SAMD4A: variants seen among roughly 807,000 people sequenced by gnomAD.
SAMD4A encodes the protein sterile alpha motif domain containing 4A, also known as protein Smaug homolog 1.
A neutral mutation model predicts 81.3 loss-of-function variants in SAMD4A; 33 were observed. That is an observed-to-expected ratio of 0.41 (90% CI 0.31 to 0.54). The LOEUF is 0.54. Ranked by LOEUF, SAMD4A falls within the 20% of genes least tolerant of loss-of-function variation. The pLI, the probability that SAMD4A is intolerant of heterozygous loss-of-function variation, is 0.37. For synonymous variants in SAMD4A, 389 were observed against 382.1 expected, an observed-to-expected ratio of 1.02 and a Z score of -0.21; for missense variants, 854 against 951.1, an observed-to-expected ratio of 0.90 and a Z score of 1.34.
At chr14:54,742,904 C>A (rs768694678) in intron 4 of SAMD4A, among the ~76,000 whole-genome samples, 1 of 152,156 alleles carries the variant, frequency 6.6e-6, no homozygotes, top group African/African-American at 2.4e-5. Flanking sequence ...AGGAGACTTT[C>A]GTTAGATGAA....
rs115481463 is a variant in SAMD4A at position 54,618,919 on chromosome 14, A to G, written c.196+50807A>G. ...AATATGATTTCTCCTAAGGCTAACT[A>G]TATAGTAGGACTAGCATCATAAAAA... On this transcript the variant is annotated intron_variant, in intron 2 of 12. Coordinates refer to ENST00000554335, the MANE Select transcript of SAMD4A (RefSeq NM_015589.6). 8.1e-3 allele frequency among the ~76,000 whole-genome samples: 1,228 copies of G among 152,336 alleles called. 24 individuals are homozygous for G. The highest frequency in any genetic ancestry group is 0.028 in the African/African-American group (1,167 of 41,582).
At chr14:54,724,727 T>C (rs2037370352) in intron 3 of SAMD4A, among the ~76,000 whole-genome samples, 1 of 152,140 alleles carries the variant, frequency 6.6e-6, no homozygotes. Flanking sequence ...AAACCAGACA[T>C]TAGGAGACCT....
At chr14:54,770,801 ATAGTTT>A (rs1436086460) in intron 9 of SAMD4A, among the ~76,000 whole-genome samples, 3 of 152,230 alleles carry the variant, frequency 2.0e-5, no homozygotes, top group Non-Finnish European at 4.4e-5. Flanking sequence ...TTACCTTAAT[ATAGTTT>A]TAAATTGAGG....
intron 2 of SAMD4A, among the ~76,000 whole-genome samples, chr14:54,626,362 TGCTGTGAACATGGAGTAAGAA>T (rs1313174358): frequency 6.6e-6 from 1 of 152,176 alleles, no homozygotes; most frequent in Non-Finnish European, 1.5e-5. Flanking sequence ...TTAGTGATAA[TGCTGTGAACATGGAGTAAGAA>T]GCTAATTGAC....
At chr14:54,646,795 AT>A (rs1366464789) in intron 2 of SAMD4A, among the ~76,000 whole-genome samples, 5 of 152,330 alleles carry the variant, frequency 3.3e-5, no homozygotes, top group South Asian at 2.1e-4. Context: ...TGTTTTTCAA[AT>A]TTTTAAAAAG....
chr14:54,789,120 A>G lies in SAMD4A; in HGVS notation c.*176A>G, dbSNP rs1224085540. On this transcript the variant is annotated 3_prime_UTR_variant, in exon 13 of 13. Transcript: ENST00000554335. ...AGGTCATCCTCGTAAACATATCAGT[A>G]GACCTGGGGTTGGTTATTTTGTCAT... 3.0e-6 allele frequency: 2 copies of G among 657,752 alleles called. No homozygotes were observed. The highest frequency in any genetic ancestry group is 3.6e-5 in the African/African-American group (2 of 55,050). 40.7% of individuals were successfully genotyped at this position (657,752 alleles called of 1,614,324 possible).
intron 2 of SAMD4A, among the ~76,000 whole-genome samples, chr14:54,669,993 C>A (rs1345612650): frequency 6.6e-6 from 1 of 152,190 alleles, no homozygotes; most frequent in East Asian, 1.9e-4. Flanking sequence ...AAAAAACGTT[C>A]ACACCCAGAC....
At chr14:54,733,195 G>T (rs979127631) in intron 3 of SAMD4A, among the ~76,000 whole-genome samples, 1 of 152,186 alleles carries the variant, frequency 6.6e-6, no homozygotes, top group Non-Finnish European at 1.5e-5. Flanking sequence ...GACTGCTGTA[G>T]CAAGATTACT....
intron 2 of SAMD4A, among the ~76,000 whole-genome samples, chr14:54,682,542 A>G (rs1475078561): frequency 6.6e-6 from 1 of 152,190 alleles, no homozygotes; most frequent in Non-Finnish European, 1.5e-5. Flanking sequence ...CCCTGTTGAT[A>G]ATAATGGTTG....
chr14:54,780,749 G>A (rs1192948969), intron 11 of SAMD4A, among the ~76,000 whole-genome samples: 4 of 152,126 alleles, frequency 2.6e-5, no homozygotes, highest in East Asian at 1.9e-4. Context: ...TTGTGAAAGC[G>A]TTGGTCCCAG....
In SAMD4A at chr14:54,718,489, T is replaced by C. The variant is rs537562550; in HGVS notation, c.715+15909T>C. On this transcript the variant is annotated intron_variant, in intron 3 of 12. Transcript: ENST00000554335. ...ACTCTCAAAATAGTGTGACTCTTAG[T>C]AAAAGGCCTGCTGAAACTCTTTGAC... Among the ~76,000 whole-genome samples, 4 of 152,316 alleles carry C rather than the reference T, an allele frequency of 2.6e-5. No homozygotes were observed. In the South Asian group the frequency reaches 8.3e-4, roughly 32 times the overall value.
intron 2 of SAMD4A, among the ~76,000 whole-genome samples, chr14:54,700,088 A>T (rs780354359): frequency 6.6e-6 from 1 of 152,126 alleles, no homozygotes; most frequent in African/African-American, 2.4e-5. Context: ...TGGTTTCTCT[A>T]TATTTTGTTT....
At chr14:54,755,755 G>T (rs748765966) in intron 6 of SAMD4A, among the ~76,000 whole-genome samples, 1 of 152,162 alleles carries the variant, frequency 6.6e-6, no homozygotes, top group Admixed American at 6.5e-5. Flanking sequence ...CAAGATACGT[G>T]GTGGAAAAGG....
At chr14:54,692,441 T>G (rs1200633994) in intron 2 of SAMD4A, among the ~76,000 whole-genome samples, 2 of 152,232 alleles carry the variant, frequency 1.3e-5, no homozygotes, top group African/African-American at 2.4e-5. Context: ...TGTAAAATAT[T>G]ATTGCAGTTA....
chr14:54,618,730 A>T (rs565209794), intron 2 of SAMD4A, among the ~76,000 whole-genome samples: 3 of 152,316 alleles, frequency 2.0e-5, no homozygotes, highest in Admixed American at 2.0e-4. Context: ...TTCTCAGAGA[A>T]GTTGGCCAAT....
intron 5 of SAMD4A, 43 bp downstream of exon 5, chr14:54,748,967 C>T (rs1402524422): frequency 1.4e-6 from 2 of 1,415,302 alleles, no homozygotes; most frequent in African/African-American, 1.4e-5. Flanking sequence ...GTGCCCCAGG[C>T]AGGACCTGAA....
chr14:54,606,345 A>G (rs969808560), intron 2 of SAMD4A, among the ~76,000 whole-genome samples: 1 of 152,186 alleles, frequency 6.6e-6, no homozygotes, highest in African/African-American at 2.4e-5. Context: ...TGGCCATCAC[A>G]GATTCGTATG....
At chr14:54,774,291 G>A (rs370329248) in intron 9 of SAMD4A, among the ~76,000 whole-genome samples, 85 of 152,352 alleles carry the variant, frequency 5.6e-4, no homozygotes, top group African/African-American at 1.9e-3. Context: ...TGCAAGGATC[G>A]AAAAATAATG....
At chr14:54,631,585 TAGAATGATGTGGCCTC>T (rs1281232128) in intron 2 of SAMD4A, among the ~76,000 whole-genome samples, 2 of 152,212 alleles carry the variant, frequency 1.3e-5, no homozygotes, top group Non-Finnish European at 2.9e-5. Flanking sequence ...ATGTTTCCCT[TAGAATGATGTGGCCTC>T]AAAGAAGGAG....
Sources: allele counts gnomAD v4.1 joint callset (sites outside exome capture counted in the v4.1 genomes callset), GRCh38; gene constraint gnomAD v4.1.1; transcripts MANE v1.5; gene names NCBI Gene and HGNC (gene_info 2026-07-23, HGNC 2026-07-21).